The following JPH3 variants were observed in gnomAD, a reference collection of about 807,000 sequenced individuals.
JPH3 encodes junctophilin-3.
Under a neutral mutation model 59.6 loss-of-function variants are expected in JPH3, and 11 were observed. The observed-to-expected ratio is 0.18, with a 90% CI of 0.12 to 0.31. The LOEUF (loss-of-function observed/expected upper bound fraction) is 0.31. JPH3 is among the 10% of genes least tolerant of loss of function. JPH3 has a pLI of 1.00. For synonymous variants in JPH3, 673 were observed against 483.6 expected, an observed-to-expected ratio of 1.39 and a Z score of -5.14; for missense variants, 1,202 against 1,105.7, an observed-to-expected ratio of 1.09 and a Z score of -1.24.
intron 1 of JPH3, among the ~76,000 whole-genome samples, chr16:87,637,394 GAGA>G (rs200599455): frequency 0.27 from 36,462 of 135,950 alleles, 4,525 homozygotes; most frequent in Non-Finnish European, 0.3. Flanking sequence ...TTATGGGGGA[GAGA>G]GAGAGAGAGA....
chr16:87,650,959 G>C (rs2032309027), intron 2 of JPH3, among the ~76,000 whole-genome samples: 1 of 152,260 alleles, frequency 6.6e-6, no homozygotes, highest in Admixed American at 6.5e-5. Context: ...CTATTGGAAG[G>C]AGATTCCATC....
chr16:87,656,865 C>CTGT (rs766626732), intron 2 of JPH3, among the ~76,000 whole-genome samples: 4 of 152,178 alleles, frequency 2.6e-5, no homozygotes, highest in Non-Finnish European at 4.4e-5. Context: ...TGCATGGTGC[C>CTGT]TGTGGTGTTC....
At chr16:87,625,215 G>C (rs2031327867) in intron 1 of JPH3, among the ~76,000 whole-genome samples, 1 of 152,234 alleles carries the variant, frequency 6.6e-6, no homozygotes, top group African/African-American at 2.4e-5. Flanking sequence ...GGCTCCACCT[G>C]GCGACTGACC....
intron 2 of JPH3, among the ~76,000 whole-genome samples, chr16:87,656,831 G>C (rs571430804): frequency 6.6e-6 from 1 of 152,134 alleles, no homozygotes; most frequent in Non-Finnish European, 1.5e-5. Context: ...TTTTCTCCCC[G>C]TTCTGAAAAC....
intron 2 of JPH3, among the ~76,000 whole-genome samples, chr16:87,662,475 T>C (rs1011627167): frequency 6.6e-6 from 1 of 151,820 alleles, no homozygotes; most frequent in Admixed American, 6.6e-5. Flanking sequence ...TATTTTGTGG[T>C]TGTTTATAGT....
chr16:87,664,168 A>G (rs532910941), intron 2 of JPH3, among the ~76,000 whole-genome samples: 12 of 151,974 alleles, frequency 7.9e-5, no homozygotes, highest in South Asian at 2.1e-4. Flanking sequence ...CGTCTCTACT[A>G]AAAATATAAA....
chr16:87,636,564 G>A (rs2031756788), intron 1 of JPH3, among the ~76,000 whole-genome samples: 1 of 152,210 alleles, frequency 6.6e-6, no homozygotes, highest in Non-Finnish European at 1.5e-5. Flanking sequence ...CCTGTTCCCG[G>A]CGCTTTGGTG....
chr16:87,670,371 C>T (rs778139841), intron 2 of JPH3, among the ~76,000 whole-genome samples: 20 of 152,312 alleles, frequency 1.3e-4, no homozygotes, highest in Non-Finnish European at 2.8e-4. Flanking sequence ...GAGGTTCTCC[C>T]GGCCAGGCCT....
At chr16:87,647,863 C>G (rs370859425) in intron 2 of JPH3, among the ~76,000 whole-genome samples, 3 of 152,230 alleles carry the variant, frequency 2.0e-5, no homozygotes, top group Non-Finnish European at 4.4e-5. Context: ...CAAAGGGGCA[C>G]TAGGAACTGG....
At chr16:87,633,531 G>A (rs558699471) in intron 1 of JPH3, among the ~76,000 whole-genome samples, 104 of 152,054 alleles carry the variant, frequency 6.8e-4, no homozygotes, top group African/African-American at 2.4e-3. Context: ...GCGGGGCGCG[G>A]TGGCTCACAC....
chr16:87,632,007 G>A (rs1475970639), intron 1 of JPH3, among the ~76,000 whole-genome samples: 1 of 152,038 alleles, frequency 6.6e-6, no homozygotes, highest in African/African-American at 2.4e-5. Flanking sequence ...TTATTTGTAA[G>A]TTTTGGTCTT....
chr16:87,671,655 C>T (rs564310144), intron 2 of JPH3, among the ~76,000 whole-genome samples: 26 of 112,134 alleles, frequency 2.3e-4, no homozygotes, highest in African/African-American at 8.1e-4. Context: ...GCCACCTGCA[C>T]CGGCTCAGCC....
chr16:87,639,837 G>A (rs183712941), intron 1 of JPH3, among the ~76,000 whole-genome samples: 3 of 152,328 alleles, frequency 2.0e-5, no homozygotes, highest in Admixed American at 2.0e-4. Context: ...GCAGGTGCCC[G>A]GCTTTCCTTC....
chr16:87,659,693 A>C (rs2032639207), intron 2 of JPH3, among the ~76,000 whole-genome samples: 2 of 152,026 alleles, frequency 1.3e-5, no homozygotes, highest in South Asian at 4.2e-4. Flanking sequence ...AGATAGCACC[A>C]CTGCACTCCA....
chr16:87,647,439 G>A (rs910762824), intron 2 of JPH3, among the ~76,000 whole-genome samples: 15 of 152,234 alleles, frequency 9.9e-5, no homozygotes, highest in African/African-American at 3.6e-4. Flanking sequence ...GGCTGGTGCA[G>A]CTGTGAAACT....
At chr16:87,634,941 G>A (rs2031685582) in intron 1 of JPH3, among the ~76,000 whole-genome samples, 1 of 152,254 alleles carries the variant, frequency 6.6e-6, no homozygotes, top group Non-Finnish European at 1.5e-5. Context: ...CCTTCTTTAA[G>A]TGGACACAGT....
At chr16:87,606,579 C>G (rs989280761) in intron 1 of JPH3, among the ~76,000 whole-genome samples, 3 of 152,138 alleles carry the variant, frequency 2.0e-5, no homozygotes, top group Admixed American at 2.0e-4. Flanking sequence ...GTTTTGTGAC[C>G]CTGGTTGGAT....
intron 1 of JPH3, among the ~76,000 whole-genome samples, chr16:87,627,418 A>G (rs1340857792): frequency 6.6e-6 from 1 of 152,216 alleles, no homozygotes; most frequent in Admixed American, 6.5e-5. Context: ...AGGTTAGACC[A>G]CTGAGACCAC....
In JPH3 at chr16:87,644,730, C is replaced by G. The variant is rs112449440; in HGVS notation, c.855C>G (p.Thr285=). ...AGGACGACATCGACGCCACCACCAC[C>G]GAGACCTACGTGGGCGAGTGGAAGA... ...VIEDDIDATT[T]ETYVGEWKND... is the part of the protein sequence containing the mutation. The change falls in exon 2 of 5, where the codon ACC becomes ACG. Residue 285 remains threonine, a synonymous_variant. Coordinates refer to ENST00000284262, the MANE Select transcript of JPH3 (RefSeq NM_020655.4). 20 of 1,612,758 alleles carry G rather than the reference C, an allele frequency of 1.2e-5. No individual in the cohort carries two copies. In the African/African-American group the frequency reaches 2.1e-4, roughly 17 times the overall value.
Sources: allele counts gnomAD v4.1 joint callset (sites outside exome capture counted in the v4.1 genomes callset), GRCh38; gene constraint gnomAD v4.1.1; transcripts MANE v1.5; gene names NCBI Gene and HGNC (gene_info 2026-07-23, HGNC 2026-07-21).